Variants in ICA1L observed in about 807,000 individuals in gnomAD.
ICA1L encodes the protein islet cell autoantigen 1-like protein.
Under a neutral mutation model 61.3 loss-of-function variants are expected in ICA1L, and 50 were observed. The observed-to-expected ratio is 0.82, with a 90% confidence interval of 0.65 to 1.03. The LOEUF (loss-of-function observed/expected upper bound fraction) is 1.03. ICA1L is among the 50% of genes least tolerant of loss of function. ICA1L has a pLI of 0.00. For missense variants in ICA1L, 508 were observed against 556.7 expected (o/e 0.91, Z 0.88); for synonymous variants, 161 against 191.3 (o/e 0.84, Z 1.31).
chr2:202,794,094 G>A (rs1196320742), intron 10 of ICA1L, among the ~76,000 whole-genome samples: 1 of 151,856 alleles, frequency 6.6e-6, no homozygotes, highest in African/African-American at 2.4e-5. Context: ...ATAGTATCAG[G>A]AAACCTATTA....
chr2:202,792,246 G>A (rs1031493491), intron 10 of ICA1L, among the ~76,000 whole-genome samples: 1 of 152,126 alleles, frequency 6.6e-6, no homozygotes, highest in East Asian at 1.9e-4. Context: ...CTTTGCTGGT[G>A]GAAATAAAAT....
Position 202,786,911 on chromosome 2 carries a change from A to T in ICA1L, c.1244-904T>A, listed in dbSNP as rs565516321. ...TGGAGAAATGTTTGCTACAACATGA[A>T]AAACCATTTATGCTATGATTAAGGC... On this transcript the variant is annotated intron_variant, in intron 11 of 12. Coordinates refer to ENST00000358299, the MANE Select transcript of ICA1L (RefSeq NM_001288622.3). The T allele has an allele frequency of 2.3e-5, 8 of 342,744 alleles. 1 individual carries two copies. The East Asian group carries it at 2.4e-4, about 10-fold the overall frequency. The allele number at this position is 342,744 out of a possible 1,614,324, so 21.2% of individuals were successfully genotyped here. A position where few individuals can be genotyped will look rare whatever the true frequency, so the allele number is the denominator to read the frequency against.
At chr2:202,812,340 A>C (rs980087359) in intron 8 of ICA1L, among the ~76,000 whole-genome samples, 1 of 152,230 alleles carries the variant, frequency 6.6e-6, no homozygotes, top group African/African-American at 2.4e-5. Context: ...GCACTTTCGG[A>C]GGCTGAGACA....
intron 3 of ICA1L, 193 bp downstream of exon 3, chr2:202,825,502 G>A: frequency 7.6e-7 from 1 of 1,315,628 alleles, no homozygotes; most frequent in Non-Finnish European, 9.7e-7. Context: ...AAATAAATCT[G>A]GGTCAGAGGA....
chr2:202,789,263 G>T (rs926799903), intron 10 of ICA1L, among the ~76,000 whole-genome samples, 176 bp from the exon 11 acceptor site: 1 of 152,036 alleles, frequency 6.6e-6, no homozygotes. Flanking sequence ...GCAGGATTTA[G>T]GTCAAAATGG....
At chr2:202,801,655 G>A (rs1018473449) in intron 9 of ICA1L, among the ~76,000 whole-genome samples, 3 of 152,180 alleles carry the variant, frequency 2.0e-5, no homozygotes, top group African/African-American at 7.2e-5. Flanking sequence ...CTTGTTAGAA[G>A]TAAACAACAA....
chr2:202,854,525 C>T (rs778362009), intron 1 of ICA1L, among the ~76,000 whole-genome samples: 3 of 152,204 alleles, frequency 2.0e-5, no homozygotes, highest in Non-Finnish European at 2.9e-5. Context: ...TTGAACTCAG[C>T]TCTGGACCAA....
chr2:202,795,385 C>T (rs1334933525), intron 10 of ICA1L, among the ~76,000 whole-genome samples: 1 of 152,138 alleles, frequency 6.6e-6, no homozygotes, highest in African/African-American at 2.4e-5. Flanking sequence ...CACCTGAGGT[C>T]AGGAATTCAA....
chr2:202,793,494 T>TAA (rs755015399), intron 10 of ICA1L, among the ~76,000 whole-genome samples: 478 of 31,352 alleles, frequency 0.015, 30 homozygotes, highest in South Asian at 0.021. Context: ...CCGTCTCTAC[T>TAA]AAAAAAAAAA....
chr2:202,807,494 G>GC (rs1218602577), intron 9 of ICA1L, among the ~76,000 whole-genome samples: 1 of 152,216 alleles, frequency 6.6e-6, no homozygotes, highest in African/African-American at 2.4e-5. Flanking sequence ...ACCATGGCAA[G>GC]CTAAAGCACT....
chr2:202,840,948 G>C, intron 1 of ICA1L: 1 of 716,236 alleles, frequency 1.4e-6, no homozygotes, highest in South Asian at 1.3e-5. Context: ...CATGCTCTCA[G>C]CCTCAGCCTG....
At chr2:202,868,464 C>T (rs1014509356) in intron 1 of ICA1L, among the ~76,000 whole-genome samples, 4 of 152,068 alleles carry the variant, frequency 2.6e-5, no homozygotes, top group East Asian at 1.9e-4. Flanking sequence ...GCAATTCCAC[C>T]GCTAGGTATT....
At chr2:202,839,907 T>C (rs997383962) in intron 1 of ICA1L, among the ~76,000 whole-genome samples, 1 of 152,074 alleles carries the variant, frequency 6.6e-6, no homozygotes, top group African/African-American at 2.4e-5. Flanking sequence ...TAAAACAGCT[T>C]ATAGTTATAA....
At chr2:202,796,485 C>CT (rs1286866234) in intron 10 of ICA1L, among the ~76,000 whole-genome samples, 3 of 152,128 alleles carry the variant, frequency 2.0e-5, no homozygotes, top group Admixed American at 2.0e-4. Flanking sequence ...GAAACCAGAA[C>CT]GTTGGGGGCA....
At chr2:202,782,283 T>C (rs1421714821) in intron 12 of ICA1L, among the ~76,000 whole-genome samples, 4 of 152,076 alleles carry the variant, frequency 2.6e-5, no homozygotes, top group Non-Finnish European at 5.9e-5. Context: ...AGGCGGAGGT[T>C]ACAGTGAGCC....
At position 202,785,916 on chromosome 2, in the gene ICA1L, A is replaced by G; in HGVS notation, c.1333+2T>C. On this transcript the variant is annotated splice_donor_variant, in intron 12 of 12. Coordinates refer to ENST00000358299, the MANE Select transcript of ICA1L (RefSeq NM_001288622.3). LOFTEE classifies it high-confidence loss of function. ...TAAAGAATATATAAATAAATAACTT[A>G]CATCTTGTTAATTTCTTTGGACTCT... is the stretch of plus-strand genomic sequence containing the variant. 6.7e-7 allele frequency: 1 copy of G among 1,496,324 alleles called. No individual in the cohort carries two copies. Among genetic ancestry groups the G allele is most frequent in the Non-Finnish European group, 9.2e-7 (1 of 1,081,260 alleles). 92.7% of individuals were successfully genotyped at this position (1,496,324 alleles called of 1,614,324 possible).
chr2:202,837,085 G>A (rs556235559), intron 1 of ICA1L, among the ~76,000 whole-genome samples: 1 of 151,902 alleles, frequency 6.6e-6, no homozygotes, highest in South Asian at 2.1e-4. Context: ...CAAGTGATCC[G>A]CCCACCTCGG....
rs1692126987 is a variant in ICA1L, at chr2:202,773,758, AAAGGTGG to A, written c.*5768_*5774del. The A allele has an allele frequency of 3.7e-6, 5 of 1,358,598 alleles. No homozygotes were observed. In the South Asian group the frequency reaches 4.7e-5, roughly 13 times the overall value. 84.2% of individuals were successfully genotyped at this position (1,358,598 alleles called of 1,614,324 possible). A position where few individuals can be genotyped will look rare whatever the true frequency, so the allele number is the denominator to read the frequency against. On this transcript the variant is annotated 3_prime_UTR_variant, in exon 13 of 13. Transcript: ENST00000358299. The stretch of plus-strand genomic sequence containing the variant: ...AAGAGTTTAATAACCATCCAGGTCC[AAAGGTGG>A]AAGAATACATACACCGGTATGGTAA...
Position 202,774,861 on chromosome 2 carries a change from C to G in ICA1L, c.*4672G>C, listed in dbSNP as rs576576098. On this transcript the variant is annotated 3_prime_UTR_variant, in exon 13 of 13. Transcript: ENST00000358299. ...AACCGGAAGTTTAAAACGTACACTACAAATGTAAAAACATACACTGCAAAA... is the reference window on the plus strand; with the variant it reads ...AACCGGAAGTTTAAAACGTACACTAGAAATGTAAAAACATACACTGCAAAA... The G allele has an allele frequency of 6.6e-6, 1 of 152,478 alleles. No individual in the cohort carries two copies. The highest frequency in any genetic ancestry group is 1.9e-4 in the East Asian group (1 of 5,190). 9.4% of individuals were successfully genotyped at this position (152,478 alleles called of 1,614,324 possible).
Sources: allele counts gnomAD v4.1 joint callset (sites outside exome capture counted in the v4.1 genomes callset), GRCh38; gene constraint gnomAD v4.1.1; transcripts MANE v1.5; gene names NCBI Gene and HGNC (gene_info 2026-07-23, HGNC 2026-07-21).